The following STAG1 variants were observed in gnomAD, a reference collection of about 807,000 sequenced individuals.
The protein encoded by STAG1 is STAG1 cohesin complex component, also known as cohesin subunit SA-1.
Under a neutral mutation model 170.9 loss-of-function variants are expected in STAG1, and 26 were observed. The ratio of observed to expected loss-of-function variants is 0.15; its 90% CI spans 0.11 to 0.21. The LOEUF is 0.21. STAG1 is among the 10% of genes least tolerant of loss of function. STAG1 has a pLI of 1.00. For synonymous variants in STAG1, 514 were observed against 497.7 expected, an observed-to-expected ratio of 1.03 and a Z score of -0.44; for missense variants, 964 against 1,509.5, an observed-to-expected ratio of 0.64 and a Z score of 5.99.
chr3:136,682,719 C>T (rs1034611203), intron 1 of STAG1, among the ~76,000 whole-genome samples: 1 of 151,954 alleles, frequency 6.6e-6, no homozygotes, highest in South Asian at 2.1e-4. Flanking sequence ...ATAAATGTTG[C>T]CAAAAGACAT....
intron 1 of STAG1, among the ~76,000 whole-genome samples, chr3:136,637,619 T>A (rs1441938612): frequency 2.6e-5 from 4 of 152,284 alleles, no homozygotes; most frequent in African/African-American, 9.6e-5. Flanking sequence ...TTACCTGAGT[T>A]CTCATACCAC....
intron 9 of STAG1, chr3:136,499,936 C>A (rs1933379575): frequency 4.9e-6 from 1 of 204,960 alleles, no homozygotes; most frequent in Non-Finnish European, 9.7e-6. Flanking sequence ...CTTATTAAAG[C>A]TACATTAGTT....
intron 21 of STAG1, among the ~76,000 whole-genome samples, chr3:136,406,081 T>C (rs1214923050): frequency 1.3e-5 from 2 of 152,160 alleles, no homozygotes; most frequent in South Asian, 2.1e-4. Flanking sequence ...AGACAAAAAT[T>C]TGCATACAAA....
chr3:136,412,464 T>G (rs1179959421), intron 21 of STAG1, among the ~76,000 whole-genome samples: 3 of 152,166 alleles, frequency 2.0e-5, no homozygotes, highest in African/African-American at 7.2e-5. Flanking sequence ...CGTCTACAGC[T>G]CACTTCAGTA....
intron 1 of STAG1, among the ~76,000 whole-genome samples, chr3:136,730,626 A>G (rs1019423717): frequency 2.0e-5 from 3 of 152,244 alleles, no homozygotes; most frequent in African/African-American, 7.2e-5. Flanking sequence ...CTCACTGTGC[A>G]TCAGAAACTC....
intron 1 of STAG1, among the ~76,000 whole-genome samples, chr3:136,646,780 C>A (rs1488281167): frequency 1.3e-5 from 2 of 152,050 alleles, no homozygotes; most frequent in African/African-American, 4.8e-5. Flanking sequence ...GTGGTGCATG[C>A]CTGTAATCCC....
At chr3:136,488,912 G>A (rs1576522953) in intron 9 of STAG1, among the ~76,000 whole-genome samples, 1 of 152,046 alleles carries the variant, frequency 6.6e-6, no homozygotes. Flanking sequence ...ATTTCCAATA[G>A]CCTCACCCCA....
intron 1 of STAG1, among the ~76,000 whole-genome samples, chr3:136,683,891 G>T (rs183805616): frequency 6.6e-6 from 1 of 152,176 alleles, no homozygotes; most frequent in African/African-American, 2.4e-5. Flanking sequence ...TGCCAGGAAT[G>T]AACAAACAAT....
Position 136,337,932 on chromosome 3 carries a change from AGT to A in STAG1, c.*320_*321del, listed in dbSNP as rs2108251334. 3.9e-6 allele frequency: 1 copy of A among 254,790 alleles called. No homozygotes were observed. Among genetic ancestry groups the A allele is most frequent in the South Asian group, 1.5e-4 (1 of 6,618 alleles). The allele number at this position is 254,790 out of a possible 1,614,324, so 15.8% of individuals were successfully genotyped here. ...AGTTTTCATAAAACAGGTGTATAAC[AGT>A]GTTTATCTTGACAGCTGTTTTAAAA... On this transcript the variant is annotated 3_prime_UTR_variant, in exon 34 of 34. Coordinates refer to ENST00000383202, the MANE Select transcript of STAG1 (RefSeq NM_005862.3).
intron 23 of STAG1, among the ~76,000 whole-genome samples, chr3:136,375,518 G>C (rs1937545651): frequency 6.6e-6 from 1 of 152,074 alleles, no homozygotes; most frequent in Admixed American, 6.6e-5. Flanking sequence ...TTTATGCCCT[G>C]ACAGCACAAC....
intron 1 of STAG1, among the ~76,000 whole-genome samples, chr3:136,720,525 C>T (rs892369445): frequency 6.6e-6 from 1 of 152,128 alleles, no homozygotes; most frequent in African/African-American, 2.4e-5. Flanking sequence ...CACGGTGGCT[C>T]ACACCTGTAA....
At chr3:136,416,844 CTTTTT>C (rs66573534) in intron 21 of STAG1, among the ~76,000 whole-genome samples, 2 of 127,196 alleles carry the variant, frequency 1.6e-5, no homozygotes, top group African/African-American at 3.1e-5. Context: ...TCATAATTAA[CTTTTT>C]TTTTTTTTTT....
At chr3:136,586,890 C>G (rs757197975) in intron 4 of STAG1, 1 of 456,616 alleles carries the variant, frequency 2.2e-6, no homozygotes, top group South Asian at 1.5e-5. Context: ...TTTCTCTCTC[C>G]CCTTCCAACC....
At chr3:136,737,712 T>C (rs1934420533) in intron 1 of STAG1, among the ~76,000 whole-genome samples, 1 of 152,238 alleles carries the variant, frequency 6.6e-6, no homozygotes, top group Admixed American at 6.5e-5. Context: ...AGGAGGCAGA[T>C]AAGTTCTCTC....
At chr3:136,375,711 C>T (rs1287011044) in intron 23 of STAG1, among the ~76,000 whole-genome samples, 1 of 151,580 alleles carries the variant, frequency 6.6e-6, no homozygotes, top group Non-Finnish European at 1.5e-5. Context: ...TGGCTCACAC[C>T]TGTAATCCCA....
chr3:136,533,150 C>T (rs1206274673), intron 6 of STAG1, among the ~76,000 whole-genome samples: 8 of 151,884 alleles, frequency 5.3e-5, no homozygotes, highest in African/African-American at 1.9e-4. Context: ...GATGGCAATC[C>T]CATTTACAAC....
At chr3:136,388,660 C>T (rs1421489152) in intron 22 of STAG1, among the ~76,000 whole-genome samples, 1 of 152,106 alleles carries the variant, frequency 6.6e-6, no homozygotes, top group African/African-American at 2.4e-5. Flanking sequence ...AGCCACCGCA[C>T]CTGGCAGGGA....
chr3:136,510,328 C>T (rs1326049357), intron 7 of STAG1, among the ~76,000 whole-genome samples: 4 of 152,136 alleles, frequency 2.6e-5, no homozygotes, highest in African/African-American at 7.2e-5. Flanking sequence ...CTCATTCTGT[C>T]GCCCAGACGG....
chr3:136,378,444 G>C (rs569846268), intron 22 of STAG1, among the ~76,000 whole-genome samples: 1 of 152,322 alleles, frequency 6.6e-6, no homozygotes, highest in African/African-American at 2.4e-5. Flanking sequence ...TGCAATCCCA[G>C]TGCTTTGGGA....
Sources: allele counts gnomAD v4.1 joint callset (sites outside exome capture counted in the v4.1 genomes callset), GRCh38; gene constraint gnomAD v4.1.1; transcripts MANE v1.5; gene names NCBI Gene and HGNC (gene_info 2026-07-23, HGNC 2026-07-21).